NTM: variants seen among roughly 807,000 people sequenced by gnomAD.
The protein encoded by NTM is neurotrimin.
In NTM, 13 loss-of-function variants were observed where a neutral mutation model predicts 42.1. The ratio of observed to expected loss-of-function variants is 0.31; its 90% CI spans 0.20 to 0.49. NTM has a LOEUF of 0.49. NTM is among the 20% of genes least tolerant of loss of function. The probability of loss-of-function intolerance (pLI) is 0.99; values close to 1 mark genes in which losing one functional copy is unlikely to be tolerated. For missense variants in NTM, 373 were observed against 452.8 expected, an observed-to-expected ratio of 0.82 and a Z score of 1.60; for synonymous variants, 187 against 179.2, an observed-to-expected ratio of 1.04 and a Z score of -0.35.
intron 2 of NTM, among the ~76,000 whole-genome samples, chr11:132,137,865 C>T (rs913162897): frequency 3.9e-5 from 6 of 152,194 alleles, no homozygotes; most frequent in Admixed American, 3.3e-4. Context: ...CCGTGCTGGT[C>T]GGCCTGCACT....
chr11:131,652,491 C>T (rs1413787620), intron 1 of NTM, among the ~76,000 whole-genome samples: 1 of 152,186 alleles, frequency 6.6e-6, no homozygotes. Flanking sequence ...CTTCAGGGAC[C>T]CAGGCTCATC....
chr11:131,790,466 A>T lies in NTM; in HGVS notation c.83-121098A>T, dbSNP rs80312071. On this transcript the variant is annotated intron_variant, in intron 1 of 8. Transcript: ENST00000683400. Reference sequence around the variant, plus strand: ...GTGGTCTCTTACTCTGGGTGGTATAAAAATAGTAAAGTCTCCCCTACTGAC... The same window carrying T: ...GTGGTCTCTTACTCTGGGTGGTATATAAATAGTAAAGTCTCCCCTACTGAC... 2.9e-3 allele frequency among the ~76,000 whole-genome samples: 435 copies of T among 152,274 alleles called. 6 individuals are homozygous for T. The highest frequency in any genetic ancestry group is 1.0e-2 in the African/African-American group (414 of 41,554).
chr11:131,389,690 C>T (rs1459202318), intron 1 of NTM, among the ~76,000 whole-genome samples: 2 of 152,158 alleles, frequency 1.3e-5, no homozygotes, highest in African/African-American at 4.8e-5. Flanking sequence ...AAACTGAAAA[C>T]AACTTCTTAG....
chr11:131,570,083 A>T (rs369629727), intron 1 of NTM, among the ~76,000 whole-genome samples: 1 of 152,178 alleles, frequency 6.6e-6, no homozygotes, highest in Non-Finnish European at 1.5e-5. Flanking sequence ...TATTCTGTCT[A>T]TATCAGTCTT....
chr11:132,226,170 A>T (rs2086229366), intron 4 of NTM, among the ~76,000 whole-genome samples: 3 of 152,216 alleles, frequency 2.0e-5, no homozygotes, highest in African/African-American at 2.4e-5. Flanking sequence ...CGTAATAAAC[A>T]TACAAGTGCA....
intron 1 of NTM, among the ~76,000 whole-genome samples, chr11:131,809,658 C>T (rs2092657487): frequency 6.6e-6 from 1 of 152,204 alleles, no homozygotes; most frequent in Admixed American, 6.5e-5. Flanking sequence ...TCTCCTTTCT[C>T]CTTTTTGGAG....
intron 1 of NTM, among the ~76,000 whole-genome samples, chr11:131,729,361 T>C (rs1225779246): frequency 1.3e-5 from 2 of 152,336 alleles, no homozygotes; most frequent in African/African-American, 2.4e-5. Flanking sequence ...CTAATGAAGA[T>C]GGGATGTCGA....
chr11:131,805,148 A>G (rs2092409564), intron 1 of NTM, among the ~76,000 whole-genome samples: 1 of 152,222 alleles, frequency 6.6e-6, no homozygotes, highest in Non-Finnish European at 1.5e-5. Flanking sequence ...GGCCATCCTC[A>G]CCATCTTCAT....
intron 1 of NTM, among the ~76,000 whole-genome samples, chr11:131,490,656 A>C (rs962714802): frequency 1.7e-4 from 26 of 152,174 alleles, no homozygotes; most frequent in Non-Finnish European, 5.9e-5. Context: ...GTCTGCTTGC[A>C]AGATTGTGGA....
intron 2 of NTM, among the ~76,000 whole-genome samples, chr11:132,019,628 C>G (rs1477383497): frequency 6.6e-6 from 1 of 151,848 alleles, no homozygotes. Context: ...AAAAAAATTT[C>G]CTTTCCAATT....
intron 1 of NTM, among the ~76,000 whole-genome samples, chr11:131,625,957 A>C (rs1031388873): frequency 6.6e-6 from 1 of 152,142 alleles, no homozygotes; most frequent in South Asian, 2.1e-4. Flanking sequence ...TATTTTATGT[A>C]CTGTACTTTC....
At chr11:132,312,470 T>C (rs1339662805) in intron 6 of NTM, 1 of 152,750 alleles carries the variant, frequency 6.5e-6, no homozygotes, top group Non-Finnish European at 1.5e-5. Context: ...GTCCACAGCT[T>C]TGGTAAGAAA....
chr11:132,089,908 T>A (rs773262525), intron 2 of NTM, among the ~76,000 whole-genome samples: 2 of 152,214 alleles, frequency 1.3e-5, no homozygotes, highest in African/African-American at 2.4e-5. Flanking sequence ...TGCAAAAAAA[T>A]TAAAATTCAA....
chr11:132,065,643 A>G (rs892845349), intron 2 of NTM, among the ~76,000 whole-genome samples: 1 of 152,126 alleles, frequency 6.6e-6, no homozygotes, highest in African/African-American at 2.4e-5. Flanking sequence ...TCTGATTGGA[A>G]CCTAACTTTT....
At chr11:131,740,939 G>A (rs538709211) in intron 1 of NTM, among the ~76,000 whole-genome samples, 12 of 152,078 alleles carry the variant, frequency 7.9e-5, no homozygotes, top group South Asian at 6.2e-4. Context: ...AGGCCGAGGC[G>A]TACAGATCAC....
chr11:131,381,747 C>T (rs1326878891), intron 1 of NTM, among the ~76,000 whole-genome samples: 1 of 152,142 alleles, frequency 6.6e-6, no homozygotes, highest in Non-Finnish European at 1.5e-5. Flanking sequence ...TTCTAGTGAC[C>T]AGACACTCAC....
chr11:131,498,075 C>A (rs1195528484), intron 1 of NTM, among the ~76,000 whole-genome samples: 1 of 152,202 alleles, frequency 6.6e-6, no homozygotes, highest in African/African-American at 2.4e-5. Context: ...GTTTCTCCAT[C>A]GCTCCATCTG....
intron 1 of NTM, among the ~76,000 whole-genome samples, chr11:131,860,689 C>T (rs189900883): frequency 1.6e-4 from 24 of 152,300 alleles, no homozygotes; most frequent in African/African-American, 4.8e-4. Flanking sequence ...AGCCAAGGAC[C>T]AACCATGCAA....
intron 2 of NTM, among the ~76,000 whole-genome samples, chr11:132,057,713 C>T (rs2079923684): frequency 6.6e-6 from 1 of 152,192 alleles, no homozygotes; most frequent in African/African-American, 2.4e-5. Flanking sequence ...ATAGTAGACC[C>T]TAAAGAAACA....
Sources: allele counts gnomAD v4.1 joint callset (sites outside exome capture counted in the v4.1 genomes callset), GRCh38; gene constraint gnomAD v4.1.1; transcripts MANE v1.5; gene names NCBI Gene and HGNC (gene_info 2026-07-23, HGNC 2026-07-21).